Variants in WDR1 observed in about 807,000 individuals in gnomAD.
The protein encoded by WDR1 is WD repeat domain 1.
In WDR1, 21 loss-of-function variants were observed where a neutral mutation model predicts 71.9. The observed-to-expected ratio is 0.29, with a 90% CI of 0.21 to 0.42. WDR1 has a LOEUF of 0.42. Ranked by LOEUF, WDR1 falls within the 10% of genes least tolerant of loss-of-function variation. The pLI, the probability that WDR1 is intolerant of heterozygous loss-of-function variation, is 1.00. For missense variants in WDR1, 696 were observed against 824.5 expected, an observed-to-expected ratio of 0.84 and a Z score of 1.91; for synonymous variants, 424 against 347.4, an observed-to-expected ratio of 1.22 and a Z score of -2.45.
rs901955757 is a variant in WDR1, at chr4:10,095,769, G to C, written c.558+1942C>G. ...CTCCCTGTGGCTGAGGGTGCAGCAC[G>C]CAAGGGTCACTGTCACCCTGTTTCC... On this transcript the variant is annotated intron_variant, in intron 5 of 14. Coordinates refer to ENST00000499869, the MANE Select transcript of WDR1 (RefSeq NM_017491.5). 2.0e-5 allele frequency among the ~76,000 whole-genome samples: 3 copies of C among 152,326 alleles called. No individual in the cohort carries two copies. The East Asian group carries it at 5.8e-4, about 29-fold the overall frequency.
Position 10,077,473 on chromosome 4 carries a change from A to T in WDR1, c.1570-25T>A, listed in dbSNP as rs942200733. On this transcript the variant is annotated intron_variant, in intron 13 of 14. Coordinates refer to ENST00000499869, the MANE Select transcript of WDR1 (RefSeq NM_017491.5). ...CCTAGTTGCAGGTTGAAAACAAGAG[A>T]GGTGGCAGGTCAGGTTCAGGCCGCA... The T allele has an allele frequency of 9.3e-6, 15 of 1,613,826 alleles. No individual in the cohort carries two copies. The East Asian group carries it at 3.3e-4, about 36-fold the overall frequency.
intron 10 of WDR1, among the ~76,000 whole-genome samples, chr4:10,081,973 T>C (rs552754400): frequency 6.6e-6 from 1 of 152,340 alleles, no homozygotes; most frequent in South Asian, 2.1e-4. Flanking sequence ...AGGAAATTTC[T>C]GTGTCACTCG....
rs929192030 is a variant in WDR1 at position 10,101,990 on chromosome 4, G to A, written c.229+1906C>T. Among the ~76,000 whole-genome samples the A allele has an allele frequency of 2.6e-5, 4 of 152,354 alleles. No homozygotes were observed. The East Asian group carries it at 7.7e-4, about 29-fold the overall frequency. On this transcript the variant is annotated intron_variant, in intron 3 of 14. Transcript: ENST00000499869. The stretch of plus-strand genomic sequence containing the variant: ...AGCATGTTTTACAGATGGAGCTGGA[G>A]AAGATCTAAACACAAAAACCATTAA...
At chr4:10,091,379 G>GA (rs1336363173) in intron 5 of WDR1, 3 of 152,228 alleles carry the variant, frequency 2.0e-5, no homozygotes, top group Non-Finnish European at 4.4e-5. Flanking sequence ...CTCAGCTGCT[G>GA]AGAGTGAAAA....
chr4:10,087,670 A>G, intron 8 of WDR1, 37 bp downstream of exon 8: 1 of 1,529,700 alleles, frequency 6.5e-7, no homozygotes, highest in Non-Finnish European at 8.8e-7. Context: ...TTCCCTGTCC[A>G]CCCAGCGGGC....
Position 10,077,385 on chromosome 4 carries a change from C to T in WDR1, c.1633G>A (p.Glu545Lys). ...TCCATGCCACCGGAGGCAAAGTGTT[C>T]ATTGTCTGGGGACCAGGCCAGGCAG... ...IVCLAWSPDNEHFASGGMDMM... is the reference protein window; with the variant it reads ...IVCLAWSPDNKHFASGGMDMM... Residue 545 changes from glutamate to lysine, a missense_variant, in exon 14 of 15, where the codon GAA becomes AAA. Coordinates refer to ENST00000499869, the MANE Select transcript of WDR1 (RefSeq NM_017491.5). The T allele has an allele frequency of 6.2e-7, 1 of 1,614,028 alleles. No individual in the cohort carries two copies. The highest frequency in any genetic ancestry group is 1.1e-5 in the South Asian group (1 of 91,088).
In WDR1 at chr4:10,074,407, G is replaced by C. The variant is rs1009024712; in HGVS notation, c.*971C>G. The C allele has an allele frequency of 6.6e-6, 1 of 152,602 alleles. No individual in the cohort carries two copies. The highest frequency in any genetic ancestry group is 6.5e-5 in the Admixed American group (1 of 15,274). The allele number at this position is 152,602 out of a possible 1,614,324, so 9.5% of individuals were successfully genotyped here. On this transcript the variant is annotated 3_prime_UTR_variant, in exon 15 of 15. Coordinates refer to ENST00000499869, the MANE Select transcript of WDR1 (RefSeq NM_017491.5). ...AAGCGCTCAAAGTGTTTTCACAAGT[G>C]CAAGGGGAGGGATTGTTCTCAGCCA...
rs76717147 is a variant in WDR1, at chr4:10,114,420, T to C, written c.138+1693A>G. ...CACCTTGCTAAGTCTGACTCCTCTT[T>C]AGAGTAACGGACCCATGTGGGGTGG... is the stretch of plus-strand genomic sequence containing the variant. On this transcript the variant is annotated intron_variant, in intron 2 of 14. Transcript: ENST00000499869. 4.1e-3 allele frequency among the ~76,000 whole-genome samples: 619 copies of C among 152,322 alleles called. 6 individuals are homozygous for C. Among genetic ancestry groups the C allele is most frequent in the African/African-American group, 0.014 (575 of 41,564 alleles).
In WDR1 at chr4:10,079,453, G is replaced by A. The variant is rs115315194; in HGVS notation, c.1285-452C>T. On this transcript the variant is annotated intron_variant, in intron 11 of 14. Transcript: ENST00000499869. ...CGTTTCAGAGAAGAAAATGGGGTAC[G>A]GTGCTTATGCTGCACGCCCAAGGCT... Among the ~76,000 whole-genome samples the A allele has an allele frequency of 3.9e-3, 596 of 152,348 alleles. 3 individuals are homozygous for A. The highest frequency in any genetic ancestry group is 0.031 in the Middle Eastern group (9 of 294).
At chr4:10,101,315 A>G (rs751281454) in intron 3 of WDR1, among the ~76,000 whole-genome samples, 4 of 152,244 alleles carry the variant, frequency 2.6e-5, no homozygotes, top group Non-Finnish European at 5.9e-5. Flanking sequence ...CAGGGTCTAA[A>G]GATCCTGCAG....
intron 14 of WDR1, chr4:10,076,056 G>C (rs1209236469): frequency 1.3e-5 from 2 of 153,570 alleles, no homozygotes; most frequent in Non-Finnish European, 1.4e-5. Context: ...CTCCTCTGTG[G>C]CTAGCTCTGC....
intron 2 of WDR1, 42 bp downstream of exon 2, chr4:10,116,071 T>C (rs375529165): frequency 5.6e-6 from 9 of 1,596,022 alleles, no homozygotes; most frequent in South Asian, 1.1e-5. Context: ...CATCCCAAGG[T>C]GGCTCCGGAG....
chr4:10,090,521 C>CTCTAGG (rs1711898811), intron 5 of WDR1, among the ~76,000 whole-genome samples: 1 of 152,192 alleles, frequency 6.6e-6, no homozygotes, highest in Non-Finnish European at 1.5e-5. Context: ...AGTGATGCGA[C>CTCTAGG]CCCAGACCTG....
At chr4:10,083,979 C>T (rs965749102) in intron 9 of WDR1, among the ~76,000 whole-genome samples, 55 of 152,350 alleles carry the variant, frequency 3.6e-4, no homozygotes, top group African/African-American at 1.3e-3. Context: ...GACTCTGGGG[C>T]GGGCACATCA....
chr4:10,092,258 CA>C (rs1712042404), intron 5 of WDR1: 1 of 152,256 alleles, frequency 6.6e-6, no homozygotes, highest in East Asian at 1.9e-4. Flanking sequence ...CACCCAAGCC[CA>C]GATGAGTGGG....
chr4:10,113,215 G>T (rs1054323573), intron 2 of WDR1, among the ~76,000 whole-genome samples: 3 of 152,130 alleles, frequency 2.0e-5, no homozygotes, highest in African/African-American at 7.2e-5. Flanking sequence ...ACAAAAATTA[G>T]CCAGGTGAAT....
chr4:10,100,892 C>A (rs1349097571), intron 3 of WDR1, among the ~76,000 whole-genome samples: 1 of 152,228 alleles, frequency 6.6e-6, no homozygotes, highest in Non-Finnish European at 1.5e-5. Flanking sequence ...GCACACATGT[C>A]CACACATGCA....
intron 3 of WDR1, 122 bp from the exon 4 acceptor site, chr4:10,099,261 G>C: frequency 1.3e-6 from 1 of 773,946 alleles, no homozygotes; most frequent in Non-Finnish European, 2.1e-6. Flanking sequence ...AACCATGTCT[G>C]GTTGCTTAGG....
At chr4:10,116,510 G>T (rs1349690492) in intron 1 of WDR1, 141 bp downstream of exon 1, 17 of 653,354 alleles carry the variant, frequency 2.6e-5, no homozygotes, top group Admixed American at 1.8e-4. Context: ...ACCGAGGGCG[G>T]CCCCGCCACG....
Sources: gnomAD v4.1 joint callset for allele counts (sites outside exome capture counted in the v4.1 genomes callset) on GRCh38, gnomAD v4.1.1 for gene constraint, MANE v1.5 for transcripts, NCBI Gene and HGNC (gene_info 2026-07-23, HGNC 2026-07-21) for gene names.